COL23A1: variants seen among roughly 807,000 people sequenced by gnomAD.
COL23A1 encodes the protein collagen type XXIII alpha 1 chain, also known as collagen alpha-1(XXIII) chain.
A neutral mutation model predicts 99.3 loss-of-function variants in COL23A1; 97 were observed. That is an observed-to-expected ratio of 0.98 (90% confidence interval 0.83 to 1.16). The LOEUF (loss-of-function observed/expected upper bound fraction) is 1.16, where lower values mean the gene tolerates loss of function less well. Ranked by LOEUF, COL23A1 falls within the 50% of genes most tolerant of loss-of-function variation. COL23A1 has a pLI of 0.00. For synonymous variants in COL23A1, 320 were observed against 308.2 expected (o/e 1.04, Z -0.40); for missense variants, 762 against 757.4 (o/e 1.01, Z -0.07).
intron 3 of COL23A1, among the ~76,000 whole-genome samples, chr5:178,298,856 A>C (rs1387217549): frequency 6.6e-6 from 1 of 152,226 alleles, no homozygotes; most frequent in Admixed American, 6.5e-5. Flanking sequence ...CACTGTGCCT[A>C]GCCTGAGTCA....
At chr5:178,254,771 G>A (rs1765216178) in intron 16 of COL23A1, among the ~76,000 whole-genome samples, 178 bp downstream of exon 16, 1 of 152,194 alleles carries the variant, frequency 6.6e-6, no homozygotes. Context: ...GCTCTCTGAG[G>A]CGGGTCTCAA....
intron 2 of COL23A1, among the ~76,000 whole-genome samples, chr5:178,323,013 C>G (rs1045566846): frequency 6.6e-6 from 1 of 152,138 alleles, no homozygotes; most frequent in African/African-American, 2.4e-5. Flanking sequence ...GGAAACTTGG[C>G]TCTTTCGGAG....
chr5:178,426,205 G>A (rs1325406388), intron 2 of COL23A1, among the ~76,000 whole-genome samples: 2 of 152,166 alleles, frequency 1.3e-5, no homozygotes, highest in South Asian at 2.1e-4. Flanking sequence ...TTTGAAAAAT[G>A]AAAAAGAGAA....
At chr5:178,487,165 C>G (rs1274739764) in intron 2 of COL23A1, among the ~76,000 whole-genome samples, 1 of 151,928 alleles carries the variant, frequency 6.6e-6, no homozygotes, top group East Asian at 1.9e-4. Flanking sequence ...ACAGGACGCT[C>G]TCAGAATCTA....
chr5:178,486,389 C>T (rs141336143), intron 2 of COL23A1, among the ~76,000 whole-genome samples: 35 of 152,282 alleles, frequency 2.3e-4, no homozygotes, highest in South Asian at 1.4e-3. Flanking sequence ...TAAGATCCAG[C>T]GCAGAGAATA....
intron 1 of COL23A1, among the ~76,000 whole-genome samples, chr5:178,581,876 A>G (rs913403575): frequency 1.4e-4 from 22 of 152,190 alleles, no homozygotes; most frequent in Non-Finnish European, 2.8e-4. Flanking sequence ...CAAGGTAAAA[A>G]TGGTATGCAT....
At chr5:178,523,563 C>CG (rs1562052446) in intron 2 of COL23A1, 1 of 152,066 alleles carries the variant, frequency 6.6e-6, no homozygotes, top group Non-Finnish European at 1.5e-5. Flanking sequence ...CAAAGCTCTG[C>CG]GCCTGTCTAG....
At chr5:178,251,245 A>T (rs1292057555) in intron 17 of COL23A1, among the ~76,000 whole-genome samples, 1 of 151,688 alleles carries the variant, frequency 6.6e-6, no homozygotes, top group African/African-American at 2.4e-5. Flanking sequence ...CTGGTCTTGA[A>T]CTCCTGACCT....
chr5:178,500,955 G>T lies in COL23A1; in HGVS notation c.361+59727C>A, dbSNP rs562346024. Among the ~76,000 whole-genome samples the T allele has an allele frequency of 2.0e-5, 3 of 152,148 alleles. No homozygotes were observed. The East Asian group carries it at 5.8e-4, about 29-fold the overall frequency. On this transcript the variant is annotated intron_variant, in intron 2 of 28. Coordinates refer to ENST00000390654, the MANE Select transcript of COL23A1 (RefSeq NM_173465.4). ...AAACTGCGAAATATTTTCAATAGGT[G>T]TAACATGACTTCTCGACTAAGGATT...
intron 27 of COL23A1, among the ~76,000 whole-genome samples, chr5:178,240,966 C>A (rs1764363851): frequency 6.6e-6 from 1 of 152,204 alleles, no homozygotes; most frequent in African/African-American, 2.4e-5. Flanking sequence ...CTAGGCAGGG[C>A]ACAGTGGCTC....
At position 178,560,731 on chromosome 5, in the gene COL23A1, C is replaced by T. The variant is rs762444117; in HGVS notation, c.312G>A (p.Ala104=). 1.4e-5 allele frequency: 22 copies of T among 1,611,382 alleles called. No individual in the cohort carries two copies. Among genetic ancestry groups the T allele is most frequent in the Non-Finnish European group, 1.5e-5 (18 of 1,179,358 alleles). The part of the protein sequence containing the change: ...RLLREKLDGL[A]KIRTAREAPS... The stretch of plus-strand genomic sequence containing the variant: ...GAGCTTCCCGAGCAGTCCGGATCTT[C>T]GCTAGTCCGTCCAACTTCTGAGCCG... The change falls in exon 2 of 29, where the codon GCG becomes GCA. Residue 104 remains alanine (A), a synonymous_variant. Transcript: ENST00000390654.
chr5:178,259,564 A>C (rs1235507740), intron 12 of COL23A1, among the ~76,000 whole-genome samples, 157 bp downstream of exon 12: 2 of 152,202 alleles, frequency 1.3e-5, no homozygotes, highest in Admixed American at 6.5e-5. Flanking sequence ...ACCTGCAGTG[A>C]GGGCTCAGGG....
intron 2 of COL23A1, among the ~76,000 whole-genome samples, chr5:178,533,507 CT>C (rs1468661274): frequency 6.6e-6 from 1 of 151,944 alleles, no homozygotes; most frequent in Admixed American, 6.6e-5. Context: ...GTCGGAGTTT[CT>C]TTTTTTTGAG....
chr5:178,589,991 C>T lies in COL23A1; in HGVS notation c.207G>A (p.Glu69=). Reference sequence around the variant, plus strand: ...CGCGCCGCAGCAGCTCCCGCTCCTCCTCGAGCGCCGCCACCCGGCCCTGCA... The same window carrying T: ...CGCGCCGCAGCAGCTCCCGCTCCTCTTCGAGCGCCGCCACCCGGCCCTGCA... The part of the protein sequence containing the change: ...AALQGRVAAL[E]EERELLRRAG... The change falls in exon 1 of 29, where the codon GAG becomes GAA. Residue 69 remains glutamate, a synonymous_variant. Coordinates refer to ENST00000390654, the MANE Select transcript of COL23A1 (RefSeq NM_173465.4). The surrounding 1 kb of genome is among the most constrained non-coding windows in gnomAD (Gnocchi z 5.4). 7.4e-7 allele frequency: 1 copy of T among 1,344,212 alleles called. No homozygotes were observed. The highest frequency in any genetic ancestry group is 9.5e-7 in the Non-Finnish European group (1 of 1,052,432). The allele number at this position is 1,344,212 out of a possible 1,614,324, so 83.3% of individuals were successfully genotyped here. A position where few individuals can be genotyped will look rare whatever the true frequency, so the allele number is the denominator to read the frequency against.
chr5:178,249,150 C>T lies in COL23A1; in HGVS notation c.1116G>A (p.Gly372=). ...PGEPGPAGLK[G]EAGEMGLSGL... is the part of the protein sequence containing the mutation. ...CGGACAAGCCCATCTCGCCTGCTTC[C>T]CCTTTGAGTCCTGCTGGCCCAGGCT... The change falls in exon 19 of 29, where the codon GGG becomes GGA. Residue 372 remains glycine, a synonymous_variant. Transcript: ENST00000390654. 6.2e-7 allele frequency: 1 copy of T among 1,614,176 alleles called. No homozygotes were observed. The highest frequency in any genetic ancestry group is 1.1e-5 in the South Asian group (1 of 91,088).
chr5:178,518,233 G>C lies in COL23A1; in HGVS notation c.361+42449C>G, dbSNP rs561821508. 2.4e-3 allele frequency among the ~76,000 whole-genome samples: 348 copies of C among 144,908 alleles called. 4 individuals carry two copies. In the East Asian group the frequency reaches 0.025, roughly 10 times the overall value. Reference sequence around the variant, plus strand: ...TGGGGGTAAGGTCACAGATCAACAGGATCCCAAGGCAGAGGAATTTTTCTT... The same window carrying C: ...TGGGGGTAAGGTCACAGATCAACAGCATCCCAAGGCAGAGGAATTTTTCTT... On this transcript the variant is annotated intron_variant, in intron 2 of 28. Transcript: ENST00000390654.
intron 2 of COL23A1, among the ~76,000 whole-genome samples, chr5:178,436,375 G>C (rs1382234531): frequency 6.6e-6 from 1 of 150,908 alleles, no homozygotes. Flanking sequence ...CGAGCACGGG[G>C]AGAGGGCAAG....
chr5:178,460,079 A>T (rs1756034450), intron 2 of COL23A1, among the ~76,000 whole-genome samples: 1 of 151,868 alleles, frequency 6.6e-6, no homozygotes, highest in Non-Finnish European at 1.5e-5. Flanking sequence ...TTTTAAAAGC[A>T]TCGAACCTGG....
intron 2 of COL23A1, among the ~76,000 whole-genome samples, chr5:178,547,295 G>A (rs970603029): frequency 3.9e-5 from 6 of 152,014 alleles, no homozygotes; most frequent in African/African-American, 1.2e-4. Context: ...CCTGGCCCAA[G>A]TCACCTCTAT....
Sources: allele counts gnomAD v4.1 joint callset (sites outside exome capture counted in the v4.1 genomes callset), GRCh38; gene constraint gnomAD v4.1.1; non-coding constraint Gnocchi (gnomAD v3.1); transcripts MANE v1.5; gene names NCBI Gene and HGNC (gene_info 2026-07-23, HGNC 2026-07-21).